LARP1B: variants seen among roughly 807,000 people sequenced by gnomAD.
LARP1B encodes the protein la-related protein 1B.
Under a neutral mutation model 114.2 loss-of-function variants are expected in LARP1B, and 76 were observed. The ratio of observed to expected loss-of-function variants is 0.67; its 90% CI spans 0.55 to 0.81. The LOEUF (loss-of-function observed/expected upper bound fraction) is 0.81. LARP1B is among the 30% of genes least tolerant of loss of function. The probability of loss-of-function intolerance (pLI) is 0.00; values close to 1 mark genes in which losing one functional copy is unlikely to be tolerated. For missense variants in LARP1B, 1,014 were observed against 1,075.8 expected, an observed-to-expected ratio of 0.94 and a Z score of 0.80; for synonymous variants, 345 against 348.0, an observed-to-expected ratio of 0.99 and a Z score of 0.10.
chr4:128,151,823 C>CG (rs1561421680), intron 11 of LARP1B, among the ~76,000 whole-genome samples: 2 of 152,054 alleles, frequency 1.3e-5, no homozygotes, highest in African/African-American at 4.8e-5. Flanking sequence ...AGGTTGGTCT[C>CG]GAACTCCAGA....
intron 5 of LARP1B, among the ~76,000 whole-genome samples, chr4:128,083,556 G>A (rs1289953417): frequency 2.0e-5 from 3 of 149,242 alleles, no homozygotes; most frequent in African/African-American, 4.9e-5. Context: ...CGGACGGGGC[G>A]GCTGGCGGGC....
chr4:128,106,751 T>C (rs577923013), intron 8 of LARP1B, among the ~76,000 whole-genome samples: 1 of 151,766 alleles, frequency 6.6e-6, no homozygotes, highest in South Asian at 2.1e-4. Flanking sequence ...GTAGTACTTA[T>C]TATTCAATAA....
chr4:128,092,416 ATT>A (rs911851960), intron 7 of LARP1B, among the ~76,000 whole-genome samples: 8 of 152,114 alleles, frequency 5.3e-5, no homozygotes, highest in African/African-American at 1.9e-4. Flanking sequence ...TATTAGTTCT[ATT>A]TTCTGAAAGA....
intron 3 of LARP1B, among the ~76,000 whole-genome samples, chr4:128,075,243 A>G (rs944215558): frequency 4.6e-5 from 7 of 151,900 alleles, no homozygotes; most frequent in African/African-American, 1.5e-4. Context: ...CTGGGACTAC[A>G]GGCACGCACC....
At chr4:128,193,751 G>A (rs1432846166) in intron 15 of LARP1B, among the ~76,000 whole-genome samples, 1 of 151,954 alleles carries the variant, frequency 6.6e-6, no homozygotes, top group Admixed American at 6.6e-5. Flanking sequence ...TGAGTAGCTG[G>A]AATTACAGGT....
At chr4:128,217,899 C>T (rs184778840) in intron 6 of LARP1B, among the ~76,000 whole-genome samples, 1,921 of 144,086 alleles carry the variant, frequency 0.013, 33 homozygotes, top group East Asian at 0.08. Context: ...AAAACCCCAT[C>T]GTCTCAGCCC....
At chr4:128,066,863 C>G (rs1763144834) in intron 1 of LARP1B, among the ~76,000 whole-genome samples, 1 of 147,800 alleles carries the variant, frequency 6.8e-6, no homozygotes, top group Non-Finnish European at 1.5e-5. Context: ...ATGGCGCGAT[C>G]TTGGCTCACT....
chr4:128,179,580 G>A lies in LARP1B; in HGVS notation c.2003+68G>A, dbSNP rs1049102073. ...AGTTTTTTGAAAACAGTTACTAATTGGATATTTCAAAATATTTAAAAATTA... is the reference window on the plus strand; with the variant it reads ...AGTTTTTTGAAAACAGTTACTAATTAGATATTTCAAAATATTTAAAAATTA... On this transcript the variant is annotated intron_variant, in intron 15 of 19. Coordinates refer to ENST00000326639, the MANE Select transcript of LARP1B (RefSeq NM_018078.4). 14 of 946,356 alleles carry A rather than the reference G, an allele frequency of 1.5e-5. No homozygotes were observed. In the African/African-American group the frequency reaches 1.7e-4, roughly 11 times the overall value. The allele number at this position is 946,356 out of a possible 1,614,324, so 58.6% of individuals were successfully genotyped here.
intron 1 of LARP1B, among the ~76,000 whole-genome samples, chr4:128,066,799 T>A (rs1763103249): frequency 3.7e-5 from 1 of 27,002 alleles, no homozygotes; most frequent in Non-Finnish European, 1.1e-4. Flanking sequence ...TTCTTGCCAT[T>A]TTTTTTTTTT....
chr4:128,074,747 A>G (rs544282478), intron 2 of LARP1B, among the ~76,000 whole-genome samples, 187 bp from the exon 3 acceptor site: 18 of 152,358 alleles, frequency 1.2e-4, no homozygotes, highest in Admixed American at 8.5e-4. Context: ...TTATCATAAG[A>G]TTAAGCCATT....
intron 1 of LARP1B, chr4:128,062,285 G>A (rs1760447887): frequency 1.0e-6 from 1 of 985,040 alleles, no homozygotes; most frequent in African/African-American, 1.7e-5. Flanking sequence ...GGACTTGCCG[G>A]CGCGTGGCGG....
At chr4:128,098,155 AAATG>A (rs750915449) in intron 7 of LARP1B, 27 bp from the exon 8 acceptor site, 1 of 1,539,474 alleles carries the variant, frequency 6.5e-7, no homozygotes, top group East Asian at 2.3e-5. Context: ...CCTACTAAAT[AAATG>A]GATGAAATTC....
At chr4:128,065,303 TTCTTTCTTTCTTTCTC>T (rs528518124) in intron 1 of LARP1B, among the ~76,000 whole-genome samples, 2,263 of 114,174 alleles carry the variant, frequency 0.02, 50 homozygotes, top group Non-Finnish European at 0.023. Flanking sequence ...CTTTCTTTCT[TTCTTTCTTTCTTTCTC>T]TCTCTCTCTC....
At chr4:128,079,181 G>C (rs1018167047) in intron 4 of LARP1B, among the ~76,000 whole-genome samples, 3 of 149,674 alleles carry the variant, frequency 2.0e-5, no homozygotes, top group Non-Finnish European at 4.4e-5. Context: ...TGCAACCTCT[G>C]CCTCCCGGGT....
intron 9 of LARP1B, among the ~76,000 whole-genome samples, chr4:128,112,464 C>CTTTTT (rs1380790093): frequency 1.2e-5 from 1 of 80,868 alleles, no homozygotes; most frequent in African/African-American, 3.8e-5. Context: ...AATGCTTACT[C>CTTTTT]TATTTTTTTT....
chr4:128,136,925 T>G (rs1725583724), intron 11 of LARP1B, among the ~76,000 whole-genome samples: 1 of 152,088 alleles, frequency 6.6e-6, no homozygotes, highest in Admixed American at 6.6e-5. Context: ...ATAATAATAA[T>G]ATAAGTGAAC....
intron 6 of LARP1B, among the ~76,000 whole-genome samples, chr4:128,219,380 G>C (rs1759797948): frequency 1.3e-5 from 1 of 74,370 alleles, no homozygotes; most frequent in Non-Finnish European, 2.6e-5. Flanking sequence ...CAATAGCAAA[G>C]ACTTGGAACC....
chr4:128,122,370 A>T, intron 11 of LARP1B, 182 bp downstream of exon 11: 1 of 1,461,962 alleles, frequency 6.8e-7, no homozygotes, highest in Non-Finnish European at 9.0e-7. Flanking sequence ...GTTTTATTTT[A>T]TGAAAGTAAC....
At chr4:128,122,463 T>TGC in intron 11 of LARP1B, 4 of 1,517,412 alleles carry the variant, frequency 2.6e-6, no homozygotes, top group Non-Finnish European at 3.5e-6. Context: ...TGTTTTGTTT[T>TGC]TTTTTGTTTT....
Sources: allele counts gnomAD v4.1 joint callset (sites outside exome capture counted in the v4.1 genomes callset), GRCh38; gene constraint gnomAD v4.1.1; transcripts MANE v1.5; gene names NCBI Gene and HGNC (gene_info 2026-07-23, HGNC 2026-07-21).